The following PYGB variants were observed in gnomAD, a reference collection of about 807,000 sequenced individuals.
PYGB encodes glycogen phosphorylase, brain form.
A neutral mutation model predicts 94.3 loss-of-function variants in PYGB; 82 were observed. The ratio of observed to expected loss-of-function variants is 0.87; its 90% CI spans 0.73 to 1.04. The LOEUF (loss-of-function observed/expected upper bound fraction) is 1.04, where lower values mean the gene tolerates loss of function less well. PYGB is among the 50% of genes least tolerant of loss of function. The pLI is 0.00. For missense variants in PYGB, 1,132 were observed against 1,158.2 expected, an observed-to-expected ratio of 0.98 and a Z score of 0.33; for synonymous variants, 488 against 479.1, an observed-to-expected ratio of 1.02 and a Z score of -0.24.
intron 2 of PYGB, among the ~76,000 whole-genome samples, chr20:25,264,048 A>C: frequency 6.6e-6 from 1 of 152,224 alleles, no homozygotes; most frequent in Non-Finnish European, 1.5e-5. Flanking sequence ...TGGCAAACCA[A>C]ATCCAGCAGC....
chr20:25,274,629 C>G lies in PYGB; in HGVS notation c.566C>G (p.Pro189Arg). 1 of 1,613,840 alleles carries G rather than the reference C, an allele frequency of 6.2e-7. No homozygotes were observed. Among genetic ancestry groups the G allele is most frequent in the Non-Finnish European group, 8.5e-7 (1 of 1,180,024 alleles). ...GATGACTGGCTGCGCTACGGCAACC[C>G]CTGGGAGAAAGCGCGGCCTGAGTAT... ...EADDWLRYGNPWEKARPEYML... is the reference protein window; with the variant it reads ...EADDWLRYGNRWEKARPEYML... Residue 189 changes from proline to arginine, a missense_variant, in exon 5 of 20, where the codon CCC (proline) becomes CGC (arginine). Physicochemically the swap from Pro to Arg is moderately radical, Grantham distance 103. Transcript: ENST00000216962.
In PYGB at chr20:25,284,214, G is replaced by C. The variant is rs776924369; in HGVS notation, c.1731G>C (p.Gln577His). The C allele has an allele frequency of 1.9e-6, 3 of 1,614,138 alleles. No individual in the cohort carries two copies. The highest frequency in any genetic ancestry group is 2.5e-6 in the Non-Finnish European group (3 of 1,180,014). Residue 577 changes from glutamine to histidine, a missense_variant, in exon 14 of 20, where the codon CAG becomes CAC. Gln to His is a conservative substitution (Grantham distance 24). Coordinates refer to ENST00000216962, the MANE Select transcript of PYGB (RefSeq NM_002862.4). The part of the protein sequence containing the change: ...HVKRIHEYKR[Q>H]LLNCLHVVTL... ...AGAGGATCCACGAGTACAAGCGGCAGCTGCTCAACTGCCTGCACGTCGTCA... is the reference window on the plus strand; with the variant it reads ...AGAGGATCCACGAGTACAAGCGGCACCTGCTCAACTGCCTGCACGTCGTCA...
At chr20:25,254,623 T>A (rs1220353860) in intron 1 of PYGB, among the ~76,000 whole-genome samples, 1 of 152,246 alleles carries the variant, frequency 6.6e-6, no homozygotes, top group Non-Finnish European at 1.5e-5. Context: ...TTTCTCGGCC[T>A]ACAAACAGTT....
intron 10 of PYGB, 53 bp from the exon 11 acceptor site, chr20:25,280,896 G>C (rs950084947): frequency 1.3e-6 from 2 of 1,588,128 alleles, no homozygotes; most frequent in Non-Finnish European, 1.7e-6. Flanking sequence ...GGAGTGCTGG[G>C]TCTCCGTGGG....
In PYGB at chr20:25,278,467, A is replaced by T. The variant is rs200212472; in HGVS notation, c.999+5A>T. 1 of 1,614,008 alleles carries T rather than the reference A, an allele frequency of 6.2e-7. No homozygotes were observed. The highest frequency in any genetic ancestry group is 1.1e-5 in the South Asian group (1 of 91,076). ...TTCGAGACGTTCCCAGACAAGGTGC[A>T]TGGTGGCCCTGGGAGGGATCTCAGT... On this transcript the variant is annotated splice_donor_5th_base_variant and intron_variant, in intron 8 of 19. Coordinates refer to ENST00000216962, the MANE Select transcript of PYGB (RefSeq NM_002862.4).
chr20:25,248,870 G>T (rs1347015300), intron 1 of PYGB, among the ~76,000 whole-genome samples: 1 of 152,126 alleles, frequency 6.6e-6, no homozygotes, highest in Non-Finnish European at 1.5e-5. Context: ...GGGTGAGCTC[G>T]GTAATCTGCA....
At chr20:25,251,650 A>G (rs1002353192) in intron 1 of PYGB, among the ~76,000 whole-genome samples, 3 of 152,166 alleles carry the variant, frequency 2.0e-5, no homozygotes, top group Admixed American at 1.3e-4. Context: ...TATGAGAGTC[A>G]CGGGATCCCT....
chr20:25,277,722 G>A lies in PYGB; in HGVS notation c.855+396G>A, dbSNP rs534298513. Among the ~76,000 whole-genome samples the A allele has an allele frequency of 1.4e-4, 21 of 152,354 alleles. 1 individual carries two copies. The South Asian group carries it at 2.7e-3, about 20-fold the overall frequency. ...AGGTGATCTGTCTGTCCAGGGGACC[G>A]TAGCGCCTACTTGGCATTGATGCCT... On this transcript the variant is annotated intron_variant, in intron 7 of 19. Transcript: ENST00000216962.
rs936374575 is a variant in PYGB, at chr20:25,277,327, G to T, written c.855+1G>T. 6.4e-7 allele frequency: 1 copy of T among 1,555,692 alleles called. No individual in the cohort carries two copies. The highest frequency in any genetic ancestry group is 8.9e-7 in the Non-Finnish European group (1 of 1,126,948). ...CAGGGTCCTGTATCCAAATGATAAC[G>T]TGAGTAGCTGGCCTGGGCACTCTTG... On this transcript the variant is annotated splice_donor_variant, in intron 7 of 19. Transcript: ENST00000216962. LOFTEE classifies it high-confidence loss of function.
Position 25,255,736 on chromosome 20 carries a change from C to CTT in PYGB, c.244-3488_244-3487dup, listed in dbSNP as rs777407638. Among the ~76,000 whole-genome samples the CTT allele has an allele frequency of 2.6e-3, 381 of 145,150 alleles. 3 individuals carry two copies. Among genetic ancestry groups the CTT allele is most frequent in the African/African-American group, 9.3e-3 (368 of 39,772 alleles). On this transcript the variant is annotated intron_variant, in intron 1 of 19. Transcript: ENST00000216962. The stretch of plus-strand genomic sequence containing the variant: ...TCTTGGTGAAAGCAGCCGCCCAACT[C>CTT]TTTTTTTTTTTTTTGAGGTGGAGTT...
At chr20:25,256,166 C>T (rs1184961986) in intron 1 of PYGB, among the ~76,000 whole-genome samples, 2 of 152,084 alleles carry the variant, frequency 1.3e-5, no homozygotes, top group Non-Finnish European at 2.9e-5. Context: ...TGGTGGTCTC[C>T]ACAGGCCCAA....
Position 25,267,981 on chromosome 20 carries a change from T to C in PYGB, c.346-1148T>C, listed in dbSNP as rs1329881673. ...CGTAGCCTATCTTTAGAAAAATATG[T>C]AGAGATTTTTTAAAAATTTAATGGA... On this transcript the variant is annotated intron_variant, in intron 2 of 19. Transcript: ENST00000216962. 4.6e-5 allele frequency among the ~76,000 whole-genome samples: 7 copies of C among 152,300 alleles called. No individual in the cohort carries two copies. In the East Asian group the frequency reaches 1.2e-3, roughly 25 times the overall value.
intron 1 of PYGB, among the ~76,000 whole-genome samples, chr20:25,256,694 G>T (rs904429419): frequency 4.6e-5 from 7 of 152,152 alleles, no homozygotes; most frequent in African/African-American, 1.7e-4. Context: ...GCTGAAGCAG[G>T]TGAGTCCAGT....
Position 25,248,434 on chromosome 20 carries a change from C to G in PYGB, c.243+13C>G. 1 of 1,432,880 alleles carries G rather than the reference C, an allele frequency of 7.0e-7. No individual in the cohort carries two copies. The highest frequency in any genetic ancestry group is 1.4e-5 in the South Asian group (1 of 71,330). 88.8% of individuals were successfully genotyped at this position (1,432,880 alleles called of 1,614,324 possible). A position where few individuals can be genotyped will look rare whatever the true frequency, so the allele number is the denominator to read the frequency against. On this transcript the variant is annotated intron_variant, in intron 1 of 19. Coordinates refer to ENST00000216962, the MANE Select transcript of PYGB (RefSeq NM_002862.4). ...GCGCGACCCCAAGGTGAGGCGCTGCCCCGCCCTGTGCGCCCGTGCCCGCTG... is the reference window on the plus strand; with the variant it reads ...GCGCGACCCCAAGGTGAGGCGCTGCGCCGCCCTGTGCGCCCGTGCCCGCTG...
intron 5 of PYGB, 149 bp from the exon 6 acceptor site, chr20:25,276,497 G>A (rs922110172): frequency 1.6e-6 from 1 of 643,570 alleles, no homozygotes; most frequent in Non-Finnish European, 2.7e-6. Flanking sequence ...TGCCGAGCAT[G>A]GGCTGGGTGG....
intron 13 of PYGB, among the ~76,000 whole-genome samples, chr20:25,283,793 C>T (rs933680264): frequency 3.9e-5 from 6 of 152,296 alleles, no homozygotes; most frequent in Middle Eastern, 3.4e-3. Context: ...TCCTTTCAGC[C>T]GTCCCGCTCC....
At chr20:25,283,999 C>A in intron 13 of PYGB, 105 bp from the exon 14 acceptor site, 1 of 1,393,020 alleles carries the variant, frequency 7.2e-7, no homozygotes, top group Non-Finnish European at 9.9e-7. Context: ...ACCCCTGCCC[C>A]CTCCCTGCGG....
chr20:25,251,204 TGGTGGCAA>T (rs1204600065), intron 1 of PYGB: 2 of 152,222 alleles, frequency 1.3e-5, no homozygotes, highest in Non-Finnish European at 2.9e-5. Flanking sequence ...TTCTCTGAAG[TGGTGGCAA>T]GGTGGCAAGG....
intron 2 of PYGB, 74 bp from the exon 3 acceptor site, chr20:25,269,044 TCACAAGACTTA>T (rs2088243143): frequency 8.4e-7 from 1 of 1,189,340 alleles, no homozygotes; most frequent in South Asian, 1.3e-5. Context: ...TAGCATAAGC[TCACAAGACTTA>T]CACATCTTTC....
Sources: allele counts gnomAD v4.1 joint callset (sites outside exome capture counted in the v4.1 genomes callset), GRCh38; gene constraint gnomAD v4.1.1; transcripts MANE v1.5; gene names NCBI Gene and HGNC (gene_info 2026-07-23, HGNC 2026-07-21).